KLHL32: variants seen among roughly 807,000 people sequenced by gnomAD.
KLHL32 encodes kelch-like protein 32.
KLHL32 carries 35 observed loss-of-function variants against 64.8 expected under a neutral mutation model. That is an observed-to-expected ratio of 0.54 (90% CI 0.41 to 0.72). The LOEUF is 0.72. Among genes scored for constraint, KLHL32 ranks in the 30% least tolerant of loss-of-function variants. KLHL32 has a pLI of 0.00. For missense variants in KLHL32, 589 were observed against 768.5 expected, an observed-to-expected ratio of 0.77 and a Z score of 2.76; for synonymous variants, 259 against 281.0, an observed-to-expected ratio of 0.92 and a Z score of 0.78.
chr6:96,950,878 A>G (rs73758070), intron 1 of KLHL32, among the ~76,000 whole-genome samples: 3,459 of 152,256 alleles, frequency 0.023, 140 homozygotes, highest in African/African-American at 0.08. Context: ...ACATTCTTAT[A>G]TCTGAGAGCC....
chr6:97,056,553 G>A (rs1353912669), intron 4 of KLHL32, among the ~76,000 whole-genome samples: 1 of 152,054 alleles, frequency 6.6e-6, no homozygotes, highest in Non-Finnish European at 1.5e-5. Context: ...TCCTGCTTCA[G>A]AACCCTCCTG....
At chr6:97,106,514 A>T (rs1369338962) in intron 6 of KLHL32, among the ~76,000 whole-genome samples, 1 of 152,132 alleles carries the variant, frequency 6.6e-6, no homozygotes, top group African/African-American at 2.4e-5. Flanking sequence ...AGGCCAAGGC[A>T]GATGGATCAT....
chr6:96,945,438 T>G (rs1323943921), intron 1 of KLHL32, among the ~76,000 whole-genome samples: 1 of 152,196 alleles, frequency 6.6e-6, no homozygotes, highest in African/African-American at 2.4e-5. Context: ...AGAATAAAGG[T>G]GCACACACTT....
intron 10 of KLHL32, among the ~76,000 whole-genome samples, chr6:97,133,717 C>A (rs1387832412): frequency 6.6e-6 from 1 of 152,022 alleles, no homozygotes; most frequent in African/African-American, 2.4e-5. Context: ...TTTGTCTTGA[C>A]AGAGGTTTGT....
At chr6:97,104,314 C>A (rs1330563449) in intron 6 of KLHL32, among the ~76,000 whole-genome samples, 1 of 152,096 alleles carries the variant, frequency 6.6e-6, no homozygotes, top group African/African-American at 2.4e-5. Context: ...GTGTGTTTAT[C>A]CCCATTTGTG....
At chr6:97,074,398 G>C (rs1008145636) in intron 5 of KLHL32, among the ~76,000 whole-genome samples, 1 of 152,114 alleles carries the variant, frequency 6.6e-6, no homozygotes, top group Non-Finnish European at 1.5e-5. Flanking sequence ...CTGATATTCA[G>C]ATTTTGAAAG....
intron 6 of KLHL32, among the ~76,000 whole-genome samples, chr6:97,098,306 C>T (rs551146631): frequency 6.6e-6 from 1 of 152,224 alleles, no homozygotes; most frequent in East Asian, 1.9e-4. Flanking sequence ...ATAGTGGTCT[C>T]ATCATATATT....
intron 7 of KLHL32, among the ~76,000 whole-genome samples, chr6:97,116,898 T>A (rs1029568029): frequency 5.3e-5 from 8 of 152,230 alleles, no homozygotes; most frequent in African/African-American, 1.9e-4. Context: ...TGCACTAATA[T>A]ATGCTGCCTC....
At chr6:97,025,965 G>T (rs1193083121) in intron 3 of KLHL32, among the ~76,000 whole-genome samples, 1 of 151,770 alleles carries the variant, frequency 6.6e-6, no homozygotes, top group Non-Finnish European at 1.5e-5. Context: ...CTATAGGGAG[G>T]CCCTAGAAGA....
intron 7 of KLHL32, among the ~76,000 whole-genome samples, chr6:97,119,226 G>T (rs1316525701): frequency 6.6e-6 from 1 of 152,124 alleles, no homozygotes; most frequent in Non-Finnish European, 1.5e-5. Flanking sequence ...ATCACGCACA[G>T]TGGCACTCTC....
chr6:97,024,696 A>G (rs1486715104), intron 3 of KLHL32, among the ~76,000 whole-genome samples: 1 of 152,074 alleles, frequency 6.6e-6, no homozygotes, highest in Non-Finnish European at 1.5e-5. Flanking sequence ...TAGTGAATGG[A>G]TGGATAATGG....
chr6:96,970,518 G>A (rs1774996027), intron 2 of KLHL32, among the ~76,000 whole-genome samples: 1 of 152,146 alleles, frequency 6.6e-6, no homozygotes, highest in African/African-American at 2.4e-5. Context: ...TTTCTTTAGG[G>A]AGGCCAGATT....
rs574125944 is a variant in KLHL32 at position 97,023,574 on chromosome 6, A to C, written c.205-17918A>C. ...TGATGCTGAGATTCATTTAAAATCC[A>C]GGGCAACAAGGATTGTACCCATTCC... On this transcript the variant is annotated intron_variant, in intron 3 of 10. Coordinates refer to ENST00000369261, the MANE Select transcript of KLHL32 (RefSeq NM_052904.4). 3.3e-5 allele frequency among the ~76,000 whole-genome samples: 5 copies of C among 152,350 alleles called. No individual in the cohort carries two copies. In the East Asian group the frequency reaches 9.6e-4, roughly 29 times the overall value.
intron 4 of KLHL32, among the ~76,000 whole-genome samples, chr6:97,045,436 A>G (rs1785773794): frequency 6.6e-6 from 1 of 152,178 alleles, no homozygotes; most frequent in South Asian, 2.1e-4. Context: ...TAAGATTGAA[A>G]ACCCATAGCT....
At chr6:96,903,377 A>C in the KLHL32 span, among the ~76,000 whole-genome samples, 1 of 152,322 alleles carries the variant, frequency 6.6e-6, no homozygotes, top group East Asian at 1.9e-4. Context: ...AAAGAATAGA[A>C]TAAGGAATAG....
At chr6:96,981,477 C>T (rs964093652) in intron 3 of KLHL32, among the ~76,000 whole-genome samples, 4 of 151,852 alleles carry the variant, frequency 2.6e-5, no homozygotes, top group Non-Finnish European at 5.9e-5. Flanking sequence ...GTCTATTTAT[C>T]TTATTTATTC....
At position 96,976,016 on chromosome 6, in the gene KLHL32, G is replaced by A; in HGVS notation, c.43G>A (p.Gly15Ser). The A allele has an allele frequency of 1.3e-6, 2 of 1,588,246 alleles. No individual in the cohort carries two copies. The highest frequency in any genetic ancestry group is 1.7e-6 in the Non-Finnish European group (2 of 1,161,602). Residue 15 changes from glycine (G) to serine (S), a missense_variant, in exon 3 of 11, where the codon GGC becomes AGC. Gly to Ser is a moderately conservative substitution (Grantham distance 56). Coordinates refer to ENST00000369261, the MANE Select transcript of KLHL32 (RefSeq NM_052904.4). ...TTGTAGTATTCAAGAAATGCTGACA[G>A]GCCAGAGGCTCTGCCACTCCGAATC... Reference protein sequence around the residue: ...RCLSIQEMLTGQRLCHSESHN... With the variant: ...RCLSIQEMLTSQRLCHSESHN...
intron 7 of KLHL32, among the ~76,000 whole-genome samples, chr6:97,117,454 C>CT (rs1235357779): frequency 6.6e-6 from 1 of 152,166 alleles, no homozygotes; most frequent in African/African-American, 2.4e-5. Flanking sequence ...TGCTCACTCC[C>CT]TCTCCACACC....
chr6:97,051,343 A>G (rs1218670245), intron 4 of KLHL32, among the ~76,000 whole-genome samples: 1 of 152,208 alleles, frequency 6.6e-6, no homozygotes, highest in African/African-American at 2.4e-5. Context: ...TGGGAATAGA[A>G]AAAGAAATAT....
Sources: allele counts gnomAD v4.1 joint callset (sites outside exome capture counted in the v4.1 genomes callset), GRCh38; gene constraint gnomAD v4.1.1; transcripts MANE v1.5; gene names NCBI Gene and HGNC (gene_info 2026-07-23, HGNC 2026-07-21).